RASAL2: variants seen among roughly 807,000 people sequenced by gnomAD.
RASAL2 encodes the protein RAS protein activator like 2, also known as ras GTPase-activating protein nGAP.
Under a neutral mutation model 128.9 loss-of-function variants are expected in RASAL2, and 58 were observed. The ratio of observed to expected loss-of-function variants is 0.45; its 90% confidence interval spans 0.36 to 0.56. The LOEUF is 0.56. Ranked by LOEUF, RASAL2 falls within the 20% of genes least tolerant of loss-of-function variation. The pLI is 0.00. For missense variants in RASAL2, 1,360 were observed against 1,601.6 expected (o/e 0.85, Z 2.57); for synonymous variants, 561 against 580.8 (o/e 0.97, Z 0.49).
intron 3 of RASAL2, among the ~76,000 whole-genome samples, chr1:178,326,225 A>G (rs1669033935): frequency 6.6e-6 from 1 of 152,208 alleles, no homozygotes. Context: ...GCTGGATTAT[A>G]TGTTTTCCAC....
chr1:178,104,730 A>G (rs1659027048), intron 1 of RASAL2, among the ~76,000 whole-genome samples: 1 of 152,218 alleles, frequency 6.6e-6, no homozygotes, highest in Non-Finnish European at 1.5e-5. Context: ...CTTAGCACAT[A>G]TTAAATGCCT....
chr1:178,260,906 G>A (rs1176610900), intron 1 of RASAL2, among the ~76,000 whole-genome samples: 1 of 152,084 alleles, frequency 6.6e-6, no homozygotes, highest in Admixed American at 6.6e-5. Flanking sequence ...TCTTGTTATT[G>A]TACTTAGACT....
At chr1:178,241,790 A>G (rs372806759) in intron 1 of RASAL2, among the ~76,000 whole-genome samples, 4 of 152,326 alleles carry the variant, frequency 2.6e-5, no homozygotes, top group African/African-American at 9.6e-5. Flanking sequence ...AATAGTACAG[A>G]TTAATTCTCC....
At chr1:178,260,276 G>T (rs1178762493) in intron 1 of RASAL2, among the ~76,000 whole-genome samples, 31 of 144,850 alleles carry the variant, frequency 2.1e-4, no homozygotes, top group African/African-American at 7.1e-4. Context: ...TGCTTGAACC[G>T]GAGAGGCGGA....
chr1:178,452,763 G>A (rs1677474433), intron 11 of RASAL2, 111 bp downstream of exon 11: 9 of 850,922 alleles, frequency 1.1e-5, no homozygotes, highest in Non-Finnish European at 1.7e-5. Context: ...GATTTTCACT[G>A]TGTTATTAAT....
At chr1:178,269,143 A>C (rs1666123833) in intron 1 of RASAL2, among the ~76,000 whole-genome samples, 1 of 152,196 alleles carries the variant, frequency 6.6e-6, no homozygotes, top group South Asian at 2.1e-4. Context: ...CTTATAAAGA[A>C]GGGGAGAGGC....
Position 178,258,397 on chromosome 1 carries a change from T to G in RASAL2, c.203-25167T>G, listed in dbSNP as rs559310976. Among the ~76,000 whole-genome samples the G allele has an allele frequency of 2.6e-5, 4 of 151,128 alleles. No homozygotes were observed. In the East Asian group the frequency reaches 7.7e-4, roughly 29 times the overall value. The stretch of plus-strand genomic sequence containing the variant: ...ATTTGGGACTTGTATCCATAACATA[T>G]AAAAACTCTTACATCTCAATAATAA... On this transcript the variant is annotated intron_variant, in intron 1 of 17. Transcript: ENST00000367649.
chr1:178,148,157 A>G (rs575569640), intron 1 of RASAL2, among the ~76,000 whole-genome samples: 1 of 151,624 alleles, frequency 6.6e-6, no homozygotes, highest in South Asian at 2.1e-4. Context: ...AGTAACTGAC[A>G]TTTCTCCAGT....
chr1:178,338,425 G>A lies in RASAL2; in HGVS notation c.457+38307G>A, dbSNP rs531373001. 3.3e-5 allele frequency among the ~76,000 whole-genome samples: 5 copies of A among 152,174 alleles called. No individual in the cohort carries two copies. In the East Asian group the frequency reaches 7.7e-4, roughly 24 times the overall value. On this transcript the variant is annotated intron_variant, in intron 3 of 17. Coordinates refer to ENST00000367649, the MANE Select transcript of RASAL2 (RefSeq NM_170692.4). Reference sequence around the variant, plus strand: ...GATTACAGGCGTGAGCCACCGTGCCGGGCCTGGTTTCAGAATTTCTTAATG... The same window carrying A: ...GATTACAGGCGTGAGCCACCGTGCCAGGCCTGGTTTCAGAATTTCTTAATG...
chr1:178,170,662 T>TA (rs1267945045), intron 1 of RASAL2, among the ~76,000 whole-genome samples: 1 of 151,582 alleles, frequency 6.6e-6, no homozygotes, highest in African/African-American at 2.4e-5. Context: ...ACATTCTATT[T>TA]ATTCATATTT....
At chr1:178,248,617 G>C (rs1203685927) in intron 1 of RASAL2, among the ~76,000 whole-genome samples, 1 of 152,128 alleles carries the variant, frequency 6.6e-6, no homozygotes, top group African/African-American at 2.4e-5. Context: ...TTGCACATAA[G>C]TTGATGCAGT....
At chr1:178,242,921 T>G (rs914354246) in intron 1 of RASAL2, among the ~76,000 whole-genome samples, 13 of 152,210 alleles carry the variant, frequency 8.5e-5, no homozygotes, top group African/African-American at 2.2e-4. Flanking sequence ...AATTTCTAAT[T>G]GATTCTGAAG....
chr1:178,364,746 A>G (rs1224726313), intron 3 of RASAL2, among the ~76,000 whole-genome samples: 1 of 152,188 alleles, frequency 6.6e-6, no homozygotes, highest in Non-Finnish European at 1.5e-5. Context: ...TTAGGTGCTA[A>G]AAGTGATAGG....
At chr1:178,282,266 G>C (rs1265264699) in intron 1 of RASAL2, among the ~76,000 whole-genome samples, 1 of 152,036 alleles carries the variant, frequency 6.6e-6, no homozygotes, top group Admixed American at 6.5e-5. Context: ...AACATGCAGC[G>C]CAGTTTAGAT....
chr1:178,115,104 C>A (rs1659479042), intron 1 of RASAL2, among the ~76,000 whole-genome samples: 1 of 150,384 alleles, frequency 6.6e-6, no homozygotes, highest in South Asian at 2.1e-4. Flanking sequence ...ATCAGATAAG[C>A]CATCTACACC....
At chr1:178,307,931 C>T (rs1668066786) in intron 3 of RASAL2, among the ~76,000 whole-genome samples, 1 of 152,184 alleles carries the variant, frequency 6.6e-6, no homozygotes, top group Non-Finnish European at 1.5e-5. Flanking sequence ...AAATGCCAAA[C>T]ATTCGTAAAT....
Position 178,141,020 on chromosome 1 carries a change from G to C in RASAL2, c.202+46326G>C, listed in dbSNP as rs752027306. Among the ~76,000 whole-genome samples the C allele has an allele frequency of 1.1e-4, 16 of 152,064 alleles. No homozygotes were observed. In the South Asian group the frequency reaches 1.2e-3, roughly 12 times the overall value. ...GGCCAGAGTAGGAGCAAGAAGGAGT[G>C]GGGGAGGCACTACATACTTTTTAAA... On this transcript the variant is annotated intron_variant, in intron 1 of 17. Coordinates refer to ENST00000367649, the MANE Select transcript of RASAL2 (RefSeq NM_170692.4).
chr1:178,161,203 G>A (rs1661280607), intron 1 of RASAL2, among the ~76,000 whole-genome samples: 1 of 150,940 alleles, frequency 6.6e-6, no homozygotes, highest in African/African-American at 2.4e-5. Flanking sequence ...AATATCTTTT[G>A]CAACAATCAC....
chr1:178,334,990 A>C (rs926089064), intron 3 of RASAL2, among the ~76,000 whole-genome samples: 1 of 152,238 alleles, frequency 6.6e-6, no homozygotes, highest in South Asian at 2.1e-4. Flanking sequence ...AAAATATAAT[A>C]TTTGAAATAA....
Sources: allele counts gnomAD v4.1 joint callset (sites outside exome capture counted in the v4.1 genomes callset), GRCh38; gene constraint gnomAD v4.1.1; transcripts MANE v1.5; gene names NCBI Gene and HGNC (gene_info 2026-07-23, HGNC 2026-07-21).